Variants in CRACD observed in about 807,000 individuals in gnomAD.
The protein encoded by CRACD is capping protein inhibiting regulator of actin dynamics.
Under a neutral mutation model 106.8 loss-of-function variants are expected in CRACD, and 56 were observed. The ratio of observed to expected loss-of-function variants is 0.52; its 90% CI spans 0.42 to 0.66. The LOEUF (loss-of-function observed/expected upper bound fraction) is 0.66, where lower values mean the gene tolerates loss of function less well. CRACD is among the 30% of genes least tolerant of loss of function. CRACD has a pLI of 0.00. For synonymous variants in CRACD, 754 were observed against 670.8 expected, an observed-to-expected ratio of 1.12 and a Z score of -1.92; for missense variants, 1,730 against 1,623.2, an observed-to-expected ratio of 1.07 and a Z score of -1.13.
intron 1 of CRACD, among the ~76,000 whole-genome samples, chr4:56,144,761 T>C (rs1735321027): frequency 6.6e-6 from 1 of 152,014 alleles, no homozygotes; most frequent in African/African-American, 2.4e-5. Flanking sequence ...GTTCAGGTGA[T>C]TTCCTGTCTC....
intron 1 of CRACD, among the ~76,000 whole-genome samples, chr4:56,151,247 G>A (rs368936231): frequency 1.3e-5 from 2 of 152,106 alleles, no homozygotes; most frequent in Non-Finnish European, 1.5e-5. Context: ...CGATCTGCCT[G>A]CCTCAGCCTC....
intron 4 of CRACD, among the ~76,000 whole-genome samples, chr4:56,304,810 T>G (rs1201513584): frequency 6.6e-6 from 1 of 152,004 alleles, no homozygotes; most frequent in Non-Finnish European, 1.5e-5. Flanking sequence ...TTTAAAAAAT[T>G]TAAAATGAAG....
At chr4:56,059,014 C>CT (rs942508342) in intron 1 of CRACD, among the ~76,000 whole-genome samples, 6 of 151,546 alleles carry the variant, frequency 4.0e-5, no homozygotes, top group South Asian at 2.1e-4. Flanking sequence ...TATCATTTTT[C>CT]TTTTTTTTTG....
chr4:56,194,770 C>G (rs557935953), intron 2 of CRACD, among the ~76,000 whole-genome samples: 24 of 152,264 alleles, frequency 1.6e-4, no homozygotes, highest in East Asian at 1.2e-3. Flanking sequence ...ACATAAATTT[C>G]TGTTGTTTAT....
intron 5 of CRACD, among the ~76,000 whole-genome samples, chr4:56,310,028 AAAAAAG>A (rs1560530756): frequency 6.6e-6 from 1 of 151,590 alleles, no homozygotes; most frequent in Non-Finnish European, 1.5e-5. Context: ...CAAAAAAAAA[AAAAAAG>A]AAAAAGAAGA....
chr4:56,271,640 T>A (rs1742354026), intron 2 of CRACD, among the ~76,000 whole-genome samples: 1 of 152,258 alleles, frequency 6.6e-6, no homozygotes, highest in Non-Finnish European at 1.5e-5. Flanking sequence ...GGCATTTGGC[T>A]ATCTGCTTTG....
At chr4:56,111,408 A>G (rs1734118219) in intron 1 of CRACD, among the ~76,000 whole-genome samples, 1 of 152,222 alleles carries the variant, frequency 6.6e-6, no homozygotes, top group Non-Finnish European at 1.5e-5. Flanking sequence ...TGAGCCATAT[A>G]GAACTACTTG....
At chr4:56,165,280 G>C (rs953056428) in intron 1 of CRACD, among the ~76,000 whole-genome samples, 1 of 152,206 alleles carries the variant, frequency 6.6e-6, no homozygotes. Flanking sequence ...TCTCAGCTGG[G>C]CACTGACGTA....
At chr4:56,119,434 G>A (rs10013938) in intron 1 of CRACD, among the ~76,000 whole-genome samples, 38,627 of 151,456 alleles carry the variant, frequency 0.26, 5,167 homozygotes, top group East Asian at 0.38. Flanking sequence ...GGGCTCAAGC[G>A]ATCCTCCCAC....
At chr4:56,322,886 A>C (rs1021767895) in intron 8 of CRACD, among the ~76,000 whole-genome samples, 7 of 152,126 alleles carry the variant, frequency 4.6e-5, no homozygotes, top group Non-Finnish European at 1.0e-4. Context: ...ACAATTTGCC[A>C]GGTGTGGTTG....
At chr4:56,051,227 A>C (rs1731862531) in intron 1 of CRACD, among the ~76,000 whole-genome samples, 3 of 152,224 alleles carry the variant, frequency 2.0e-5, no homozygotes, top group Admixed American at 6.5e-5. Context: ...AAAAAATACA[A>C]GTGGATAAAA....
At chr4:56,098,678 A>G (rs887863413) in intron 1 of CRACD, among the ~76,000 whole-genome samples, 1 of 152,134 alleles carries the variant, frequency 6.6e-6, no homozygotes, top group Non-Finnish European at 1.5e-5. Context: ...AGACCTCCAC[A>G]TTGAAACTTG....
At chr4:56,164,607 A>G (rs1187411981) in intron 1 of CRACD, among the ~76,000 whole-genome samples, 1 of 152,170 alleles carries the variant, frequency 6.6e-6, no homozygotes, top group African/African-American at 2.4e-5. Context: ...GGGAGAGAGC[A>G]AAACTATAGG....
chr4:56,216,246 C>T (rs931536783), intron 2 of CRACD: 3 of 152,242 alleles, frequency 2.0e-5, no homozygotes, highest in Middle Eastern at 6.3e-3. Flanking sequence ...TCATCTTCCT[C>T]TCTCCCCCAA....
chr4:56,197,108 ATT>A (rs1412738731), intron 2 of CRACD, among the ~76,000 whole-genome samples: 2 of 152,190 alleles, frequency 1.3e-5, no homozygotes, highest in Non-Finnish European at 2.9e-5. Flanking sequence ...ATCATAATAT[ATT>A]ACATTGAATA....
rs1045620123 is a variant in CRACD, at chr4:56,216,747, G to A, written c.-189+37317G>A. On this transcript the variant is annotated intron_variant, in intron 2 of 10. Transcript: ENST00000682029. ...TGTAATCCCAGCACTTTGGGAGGCC[G>A]AGGCGGGTGGATCATGAGGTCAGGA... is the stretch of plus-strand genomic sequence containing the variant. Among the ~76,000 whole-genome samples the A allele has an allele frequency of 2.0e-5, 3 of 151,982 alleles. 1 individual carries two copies. The highest frequency in any genetic ancestry group is 4.1e-4 in the South Asian group (2 of 4,822).
intron 1 of CRACD, among the ~76,000 whole-genome samples, chr4:56,164,378 C>T (rs1736066510): frequency 1.3e-5 from 2 of 151,136 alleles, no homozygotes; most frequent in South Asian, 4.2e-4. Flanking sequence ...TCGTGATCCA[C>T]CTGCCTCGGC....
chr4:56,308,708 G>A (rs1243453258), intron 5 of CRACD: 8 of 981,486 alleles, frequency 8.2e-6, no homozygotes, highest in East Asian at 1.1e-4. Flanking sequence ...TGGCACCCAC[G>A]CATTGACACC....
chr4:56,071,183 C>A (rs573104618), intron 1 of CRACD, among the ~76,000 whole-genome samples: 1 of 152,182 alleles, frequency 6.6e-6, no homozygotes, highest in Admixed American at 6.5e-5. Context: ...CTTTTATTCT[C>A]CTAAAGTTTT....
Sources: gnomAD v4.1 joint callset for allele counts (sites outside exome capture counted in the v4.1 genomes callset) on GRCh38, gnomAD v4.1.1 for gene constraint, MANE v1.5 for transcripts, NCBI Gene and HGNC (gene_info 2026-07-23, HGNC 2026-07-21) for gene names.